The following ARHGAP15 variants were observed in gnomAD, a reference collection of about 807,000 sequenced individuals.
ARHGAP15 encodes rho GTPase-activating protein 15.
In ARHGAP15, 51 loss-of-function variants were observed where a neutral mutation model predicts 63.7. The observed-to-expected ratio is 0.80, with a 90% confidence interval of 0.64 to 1.01. The LOEUF (loss-of-function observed/expected upper bound fraction) is 1.01. Ranked by LOEUF, ARHGAP15 falls within the 50% of genes least tolerant of loss-of-function variation. The pLI is 0.00. For missense variants in ARHGAP15, 560 were observed against 564.6 expected (o/e 0.99, Z 0.08); for synonymous variants, 191 against 193.8 (o/e 0.99, Z 0.12).
chr2:143,224,901 G>A (rs1693144690), intron 4 of ARHGAP15, among the ~76,000 whole-genome samples: 1 of 152,202 alleles, frequency 6.6e-6, no homozygotes, highest in African/African-American at 2.4e-5. Flanking sequence ...GCAGGGACAT[G>A]GATGAAGCTG....
intron 13 of ARHGAP15, 116 bp from the exon 14 acceptor site, chr2:143,767,870 AAAT>A (rs2072972895): frequency 1.1e-6 from 1 of 949,198 alleles, no homozygotes; most frequent in Admixed American, 2.4e-5. Context: ...GTAGAAGATT[AAAT>A]AATGTTATAA....
intron 6 of ARHGAP15, among the ~76,000 whole-genome samples, chr2:143,290,594 C>T (rs111768459): frequency 3.4e-4 from 51 of 152,130 alleles, no homozygotes; most frequent in African/African-American, 9.6e-4. Context: ...TTACACATGA[C>T]GTGGCATTAT....
At chr2:143,271,800 C>A (rs1295838956) in intron 6 of ARHGAP15, among the ~76,000 whole-genome samples, 1 of 152,160 alleles carries the variant, frequency 6.6e-6, no homozygotes, top group Non-Finnish European at 1.5e-5. Flanking sequence ...TTTATACTTT[C>A]AAATCTACTT....
At chr2:143,708,741 G>A (rs9287355) in intron 13 of ARHGAP15, among the ~76,000 whole-genome samples, 4,806 of 152,120 alleles carry the variant, frequency 0.032, 255 homozygotes, top group African/African-American at 0.11. Flanking sequence ...CTCTTATGAA[G>A]AGCCTCCTCT....
chr2:143,764,489 C>T (rs900593054), intron 13 of ARHGAP15, among the ~76,000 whole-genome samples: 3 of 152,190 alleles, frequency 2.0e-5, no homozygotes, highest in Admixed American at 1.3e-4. Flanking sequence ...AGGTCTTTTG[C>T]TGAGCAGGGA....
At chr2:143,534,696 T>G (rs1418709358) in intron 10 of ARHGAP15, among the ~76,000 whole-genome samples, 1 of 151,918 alleles carries the variant, frequency 6.6e-6, no homozygotes, top group Admixed American at 6.6e-5. Context: ...CTGGGCAACA[T>G]GGCAAAACAC....
chr2:143,233,932 A>G (rs1693543858), intron 5 of ARHGAP15, among the ~76,000 whole-genome samples: 1 of 152,136 alleles, frequency 6.6e-6, no homozygotes, highest in South Asian at 2.1e-4. Flanking sequence ...GGTGTCAGCC[A>G]CCGCACCAGG....
intron 12 of ARHGAP15, among the ~76,000 whole-genome samples, chr2:143,624,927 C>A (rs1318509143): frequency 1.3e-5 from 2 of 151,786 alleles, no homozygotes; most frequent in Non-Finnish European, 1.5e-5. Context: ...ATAAAACACA[C>A]ACACACACTT....
intron 8 of ARHGAP15, chr2:143,480,609 G>A (rs1244097882): frequency 6.6e-6 from 1 of 152,112 alleles, no homozygotes; most frequent in Non-Finnish European, 1.5e-5. Flanking sequence ...GTCACTTAAA[G>A]TTTCAATAAC....
intron 8 of ARHGAP15, among the ~76,000 whole-genome samples, chr2:143,446,230 T>A (rs1011289360): frequency 2.0e-5 from 3 of 151,108 alleles, no homozygotes; most frequent in African/African-American, 7.3e-5. Context: ...AGAGAAAATG[T>A]ATATAGTGGA....
At chr2:143,226,375 T>C (rs1439491944) in intron 4 of ARHGAP15, among the ~76,000 whole-genome samples, 1 of 152,196 alleles carries the variant, frequency 6.6e-6, no homozygotes, top group East Asian at 1.9e-4. Flanking sequence ...CTTGTGAGAA[T>C]ATGAAATGTA....
intron 6 of ARHGAP15, among the ~76,000 whole-genome samples, chr2:143,280,482 C>G (rs1681787283): frequency 6.6e-6 from 1 of 152,116 alleles, no homozygotes; most frequent in African/African-American, 2.4e-5. Context: ...AACCACTTAC[C>G]TAAGTCAGGT....
At chr2:143,398,892 C>CT (rs1168423410) in intron 6 of ARHGAP15, among the ~76,000 whole-genome samples, 2 of 151,764 alleles carry the variant, frequency 1.3e-5, no homozygotes, top group Admixed American at 1.3e-4. Flanking sequence ...GTGTGCTTGA[C>CT]TTTTATTAAA....
chr2:143,359,056 A>G (rs1313315424), intron 6 of ARHGAP15, among the ~76,000 whole-genome samples: 2 of 152,186 alleles, frequency 1.3e-5, no homozygotes, highest in African/African-American at 2.4e-5. Flanking sequence ...AACATGTACT[A>G]TCTACATAAT....
chr2:143,336,713 G>A (rs906525211), intron 6 of ARHGAP15, among the ~76,000 whole-genome samples: 7 of 152,146 alleles, frequency 4.6e-5, no homozygotes, highest in African/African-American at 1.7e-4. Context: ...CCCTAGGAGA[G>A]GAGGCAGAGT....
chr2:143,373,639 A>AG (rs1484258676), intron 6 of ARHGAP15, among the ~76,000 whole-genome samples: 4 of 149,508 alleles, frequency 2.7e-5, no homozygotes, highest in Non-Finnish European at 5.9e-5. Context: ...CAAAAAAAAA[A>AG]AAAAAAAAAA....
chr2:143,334,614 AT>A (rs1377295861), intron 6 of ARHGAP15, among the ~76,000 whole-genome samples: 2 of 152,046 alleles, frequency 1.3e-5, no homozygotes, highest in Admixed American at 1.3e-4. Context: ...AATCAATGTG[AT>A]TTTTTTCCTG....
chr2:143,519,377 A>G lies in ARHGAP15; in HGVS notation c.925+13A>G, dbSNP rs771855186. Reference sequence around the variant, plus strand: ...GTTGAGAAAAGAGGTGGGTGACTGAATGTGCAGCAGTTCCCCCCATTACTG... The same window carrying G: ...GTTGAGAAAAGAGGTGGGTGACTGAGTGTGCAGCAGTTCCCCCCATTACTG... On this transcript the variant is annotated intron_variant, in intron 10 of 13. Coordinates refer to ENST00000295095, the MANE Select transcript of ARHGAP15 (RefSeq NM_018460.4). 3.1e-6 allele frequency: 5 copies of G among 1,603,256 alleles called. No individual in the cohort carries two copies. The highest frequency in any genetic ancestry group is 1.1e-5 in the South Asian group (1 of 90,786).
chr2:143,719,337 G>A (rs764643171), intron 13 of ARHGAP15, among the ~76,000 whole-genome samples: 40 of 152,298 alleles, frequency 2.6e-4, no homozygotes, highest in Non-Finnish European at 4.7e-4. Context: ...TGTATATGTT[G>A]TTGGGCATTA....
Sources: allele counts gnomAD v4.1 joint callset (sites outside exome capture counted in the v4.1 genomes callset), GRCh38; gene constraint gnomAD v4.1.1; transcripts MANE v1.5; gene names NCBI Gene and HGNC (gene_info 2026-07-23, HGNC 2026-07-21).